The following FAM13B variants were observed in gnomAD, a reference collection of about 807,000 sequenced individuals.
The protein encoded by FAM13B is family with sequence similarity 13 member B.
Under a neutral mutation model 117.3 loss-of-function variants are expected in FAM13B, and 60 were observed. The observed-to-expected ratio is 0.51, with a 90% CI of 0.42 to 0.63. FAM13B has a LOEUF of 0.63. FAM13B is among the 30% of genes least tolerant of loss of function. FAM13B has a pLI of 0.00. For synonymous variants in FAM13B, 332 were observed against 356.1 expected (o/e 0.93, Z 0.76); for missense variants, 972 against 1,091.9 (o/e 0.89, Z 1.55).
intron 8 of FAM13B, 61 bp downstream of exon 8, chr5:137,988,213 T>C: frequency 7.9e-7 from 1 of 1,265,180 alleles, no homozygotes; most frequent in Non-Finnish European, 1.1e-6. Context: ...TATTTTCATT[T>C]CTACAGCTTA....
At chr5:137,970,110 C>T (rs1472618970) in intron 10 of FAM13B, among the ~76,000 whole-genome samples, 10 of 151,762 alleles carry the variant, frequency 6.6e-5, no homozygotes, top group East Asian at 1.9e-4. Flanking sequence ...ATACAGAGAA[C>T]GCCACAAAGA....
chr5:137,985,344 TCTGTTA>T lies in FAM13B; in HGVS notation c.1086_1091del (p.Ser362_Asn363del). ...TGCTAGCCACAGGTTTTGAACAGTCTCTGTTACTTTCACTGGCATTAATAATATCAT... is the reference window on the plus strand; with the variant it reads ...TGCTAGCCACAGGTTTTGAACAGTCTCTTTCACTGGCATTAATAATATCAT... On this transcript the variant is annotated inframe_deletion, in exon 10 of 24. Coordinates refer to ENST00000689681, the MANE Select transcript of FAM13B (RefSeq NM_001385994.1). The T allele has an allele frequency of 6.2e-7, 1 of 1,613,846 alleles. No homozygotes were observed. The highest frequency in any genetic ancestry group is 8.5e-7 in the Non-Finnish European group (1 of 1,179,858).
intron 7 of FAM13B, among the ~76,000 whole-genome samples, chr5:137,993,962 A>AT (rs1454113010): frequency 6.6e-6 from 1 of 152,182 alleles, no homozygotes; most frequent in Non-Finnish European, 1.5e-5. Flanking sequence ...GCCTAGGTCT[A>AT]TATCCAGCCT....
intron 10 of FAM13B, among the ~76,000 whole-genome samples, chr5:137,975,654 C>G (rs956508603): frequency 1.3e-5 from 2 of 151,784 alleles, no homozygotes; most frequent in Non-Finnish European, 2.9e-5. Context: ...ATTAAGTCCC[C>G]AAAACACCTC....
At chr5:138,000,168 C>A (rs998071671) in intron 7 of FAM13B, among the ~76,000 whole-genome samples, 1 of 152,138 alleles carries the variant, frequency 6.6e-6, no homozygotes, top group African/African-American at 2.4e-5. Flanking sequence ...GAGACTAAGG[C>A]TGGAGAATCA....
intron 10 of FAM13B, among the ~76,000 whole-genome samples, chr5:137,970,367 A>G (rs1581130022): frequency 1.3e-5 from 2 of 152,116 alleles, no homozygotes; most frequent in African/African-American, 2.4e-5. Flanking sequence ...ACTAAGCTTC[A>G]TAAGTGAAGG....
Position 137,940,199 on chromosome 5 carries a change from T to C in FAM13B, c.*26A>G. On this transcript the variant is annotated 3_prime_UTR_variant, in exon 24 of 24. Coordinates refer to ENST00000689681, the MANE Select transcript of FAM13B (RefSeq NM_001385994.1). ...GCTTCAAGGAATACAACTGACTTTA[T>C]GATATGAATTTTCAAGGAACGTATC... The C allele has an allele frequency of 6.2e-7, 1 of 1,613,912 alleles. No homozygotes were observed. The highest frequency in any genetic ancestry group is 1.7e-5 in the Admixed American group (1 of 60,020).
At chr5:137,983,176 T>TAAAAA (rs56880991) in intron 10 of FAM13B, among the ~76,000 whole-genome samples, 11 of 75,098 alleles carry the variant, frequency 1.5e-4, no homozygotes, top group African/African-American at 6.3e-4. Flanking sequence ...CCAGTGTAGG[T>TAAAAA]AAAAAAAAAA....
At chr5:138,005,961 C>T (rs555745115) in intron 7 of FAM13B, among the ~76,000 whole-genome samples, 3 of 151,146 alleles carry the variant, frequency 2.0e-5, no homozygotes, top group South Asian at 4.2e-4. Context: ...TGCAGTGGCG[C>T]GATCTCGACT....
intron 7 of FAM13B, among the ~76,000 whole-genome samples, chr5:137,993,745 C>T (rs934780959): frequency 6.6e-5 from 10 of 151,992 alleles, no homozygotes; most frequent in Admixed American, 1.3e-4. Context: ...TGAGATCCCA[C>T]GACTGCACTC....
rs186858674 is a variant in FAM13B, at chr5:138,043,830, C to T, written c.-203+8048G>A. On this transcript the variant is annotated intron_variant, in intron 1 of 3. Coordinates refer to the FAM13B transcript ENST00000502471. ...GGCTCAAGCAATCCTTTTGCCTCAC[C>T]TTCCCAAAGTGCTGGGATTACCAGG... Among the ~76,000 whole-genome samples the T allele has an allele frequency of 3.4e-3, 514 of 152,184 alleles. 1 individual carries two copies. Among genetic ancestry groups the T allele is most frequent in the Non-Finnish European group, 5.0e-3 (339 of 68,006 alleles).
At position 137,976,572 on chromosome 5, in the gene FAM13B, G is replaced by C. The variant is rs530483265; in HGVS notation, c.1179+8685C>G. Reference sequence around the variant, plus strand: ...TGCAGGAAGTCAGGGACCCCGAATGGAGGGACCAGCTGAAGCCATGGCAGA... The same window carrying C: ...TGCAGGAAGTCAGGGACCCCGAATGCAGGGACCAGCTGAAGCCATGGCAGA... On this transcript the variant is annotated intron_variant, in intron 10 of 23. Transcript: ENST00000689681. Among the ~76,000 whole-genome samples, 3 of 152,326 alleles carry C rather than the reference G, an allele frequency of 2.0e-5. No homozygotes were observed. In the East Asian group the frequency reaches 5.8e-4, roughly 29 times the overall value.
chr5:137,969,248 A>G (rs1389395576), intron 10 of FAM13B, among the ~76,000 whole-genome samples: 3 of 152,224 alleles, frequency 2.0e-5, no homozygotes, highest in Non-Finnish European at 4.4e-5. Context: ...TTCTCCCAGC[A>G]CGCAGCTGGA....
At chr5:137,968,325 C>T (rs935858652) in intron 10 of FAM13B, among the ~76,000 whole-genome samples, 2 of 151,146 alleles carry the variant, frequency 1.3e-5, no homozygotes, top group African/African-American at 2.4e-5. Context: ...CTTTTAATCC[C>T]GGCTACTTGG....
intron 1 of FAM13B, among the ~76,000 whole-genome samples, chr5:138,024,927 G>C (rs371344684): frequency 6.6e-6 from 1 of 151,770 alleles, no homozygotes; most frequent in Admixed American, 6.6e-5. Context: ...CTAGAGTGCA[G>C]TGGCATGATC....
intron 10 of FAM13B, among the ~76,000 whole-genome samples, chr5:137,968,573 G>A (rs1236478382): frequency 6.6e-6 from 1 of 151,682 alleles, no homozygotes; most frequent in Non-Finnish European, 1.5e-5. Flanking sequence ...GATCAGCTTT[G>A]AAACATTAAA....
intron 9 of FAM13B, among the ~76,000 whole-genome samples, chr5:137,985,786 C>T (rs1777056099): frequency 6.6e-6 from 1 of 152,164 alleles, no homozygotes; most frequent in Admixed American, 6.5e-5. Flanking sequence ...AAATAGCTTC[C>T]TACTGCAGAG....
At chr5:138,020,946 T>G (rs1241366880) in intron 2 of FAM13B, 85 bp downstream of exon 2, 18 of 911,320 alleles carry the variant, frequency 2.0e-5, no homozygotes, top group Non-Finnish European at 2.2e-5. Flanking sequence ...AACCTCAAGT[T>G]AAATCAAATA....
intron 2 of FAM13B, among the ~76,000 whole-genome samples, chr5:138,020,269 A>C (rs1786368232): frequency 6.6e-6 from 1 of 152,154 alleles, no homozygotes; most frequent in African/African-American, 2.4e-5. Context: ...CATGTTGGCC[A>C]GGCTGGTCTT....
Sources: gnomAD v4.1 joint callset for allele counts (sites outside exome capture counted in the v4.1 genomes callset) on GRCh38, gnomAD v4.1.1 for gene constraint, MANE v1.5 for transcripts, NCBI Gene and HGNC (gene_info 2026-07-23, HGNC 2026-07-21) for gene names.